DOCK3: variants seen among roughly 807,000 people sequenced by gnomAD.
DOCK3 encodes the protein dedicator of cytokinesis protein 3.
DOCK3 carries 60 observed loss-of-function variants against 265.6 expected under a neutral mutation model. That is an observed-to-expected ratio of 0.23 (90% CI 0.18 to 0.28). The LOEUF (loss-of-function observed/expected upper bound fraction) is 0.28, where lower values mean the gene tolerates loss of function less well. Among genes scored for constraint, DOCK3 ranks in the 10% least tolerant of loss-of-function variants. DOCK3 has a pLI of 1.00. For missense variants in DOCK3, 1,981 were observed against 2,594.3 expected (o/e 0.76, Z 5.14); for synonymous variants, 881 against 938.0 (o/e 0.94, Z 1.11).
At chr3:50,700,388 C>G (rs915548026) in intron 1 of DOCK3, among the ~76,000 whole-genome samples, 10 of 152,224 alleles carry the variant, frequency 6.6e-5, no homozygotes, top group Non-Finnish European at 1.3e-4. Flanking sequence ...TTTCTTCCGT[C>G]TAGCTATATG....
At chr3:51,136,528 G>A (rs1044559726) in intron 9 of DOCK3, among the ~76,000 whole-genome samples, 3 of 152,008 alleles carry the variant, frequency 2.0e-5, no homozygotes, top group Admixed American at 6.6e-5. Context: ...ATGAGCCACC[G>A]TGCCTGGCCT....
At chr3:51,089,521 TA>T (rs1254492485) in intron 8 of DOCK3, among the ~76,000 whole-genome samples, 1 of 152,094 alleles carries the variant, frequency 6.6e-6, no homozygotes. Flanking sequence ...TGGGAGAAAA[TA>T]AAAATGTTAT....
At chr3:51,357,226 T>C (rs2086425101) in intron 44 of DOCK3, 85 bp downstream of exon 44, 1 of 1,470,048 alleles carries the variant, frequency 6.8e-7, no homozygotes, top group Non-Finnish European at 9.1e-7. Flanking sequence ...GATTATAGTC[T>C]CCTTAGGTAG....
chr3:50,956,801 C>T (rs925299741), intron 5 of DOCK3, among the ~76,000 whole-genome samples: 1 of 152,172 alleles, frequency 6.6e-6, no homozygotes, highest in Admixed American at 6.5e-5. Flanking sequence ...ATTCACAGTA[C>T]TTGTTAACCA....
intron 5 of DOCK3, among the ~76,000 whole-genome samples, chr3:51,001,984 T>C (rs1024434745): frequency 6.6e-6 from 1 of 152,030 alleles, no homozygotes; most frequent in African/African-American, 2.4e-5. Context: ...TATTGGTATT[T>C]TTATAGGGAT....
chr3:51,080,626 G>A (rs2082198606), intron 7 of DOCK3, among the ~76,000 whole-genome samples: 1 of 152,084 alleles, frequency 6.6e-6, no homozygotes, highest in South Asian at 2.1e-4. Flanking sequence ...TTTAATGACT[G>A]AAATAAAAAA....
intron 4 of DOCK3, among the ~76,000 whole-genome samples, chr3:50,916,846 CAAA>C (rs397877086): frequency 7.8e-5 from 6 of 77,104 alleles, no homozygotes; most frequent in African/African-American, 1.3e-4. Flanking sequence ...GACTCCGTTT[CAAA>C]AAAAAAAAAA....
intron 22 of DOCK3, among the ~76,000 whole-genome samples, chr3:51,252,425 G>A (rs572199142): frequency 3.3e-5 from 5 of 152,258 alleles, no homozygotes; most frequent in African/African-American, 7.2e-5. Context: ...TTATGGGGAT[G>A]GCATTGAATC....
chr3:51,007,961 A>G (rs1200449281), intron 5 of DOCK3, among the ~76,000 whole-genome samples: 1 of 152,080 alleles, frequency 6.6e-6, no homozygotes. Flanking sequence ...TGAGGCCTCC[A>G]TTCTGTTCCA....
intron 12 of DOCK3, among the ~76,000 whole-genome samples, chr3:51,194,299 T>C (rs905075760): frequency 1.3e-5 from 2 of 152,172 alleles, no homozygotes; most frequent in African/African-American, 4.8e-5. Context: ...TTTAAGTGAG[T>C]TGAGGCTTGT....
intron 48 of DOCK3, 56 bp from the exon 49 acceptor site, chr3:51,362,471 G>C (rs1251724915): frequency 6.2e-7 from 1 of 1,610,746 alleles, no homozygotes; most frequent in Non-Finnish European, 8.5e-7. Flanking sequence ...CTCTGTGCCA[G>C]CCCTAAAGTC....
intron 3 of DOCK3, among the ~76,000 whole-genome samples, 169 bp downstream of exon 3, chr3:50,841,884 G>A (rs2045860738): frequency 6.6e-6 from 1 of 151,358 alleles, no homozygotes; most frequent in Non-Finnish European, 1.5e-5. Flanking sequence ...GCATATTAAA[G>A]TGTTTCTTCT....
rs1005056954 is a variant in DOCK3 at position 50,969,837 on chromosome 3, C to T, written c.315+35760C>T. Reference sequence around the variant, plus strand: ...CTGTAATCCCAGCACTTTGGGAGGCCGAGGTGGGCGGATCACGAGGTCAGG... The same window carrying T: ...CTGTAATCCCAGCACTTTGGGAGGCTGAGGTGGGCGGATCACGAGGTCAGG... On this transcript the variant is annotated intron_variant, in intron 5 of 52. Transcript: ENST00000266037. 6.7e-4 allele frequency among the ~76,000 whole-genome samples: 102 copies of T among 152,220 alleles called. 1 individual carries two copies. Among genetic ancestry groups the T allele is most frequent in the Non-Finnish European group, 1.6e-4 (11 of 68,010 alleles).
rs531002670 is a variant in DOCK3 at position 50,806,537 on chromosome 3, A to G, written c.121+27779A>G. Reference sequence around the variant, plus strand: ...TGCTTGGGGGAGGGTGGGTAAGGACATGGCTGGCTCTCAAGGGCATGTTCA... The same window carrying G: ...TGCTTGGGGGAGGGTGGGTAAGGACGTGGCTGGCTCTCAAGGGCATGTTCA... On this transcript the variant is annotated intron_variant, in intron 2 of 52. Transcript: ENST00000266037. Among the ~76,000 whole-genome samples, 4 of 150,574 alleles carry G rather than the reference A, an allele frequency of 2.7e-5. No homozygotes were observed. In the South Asian group the frequency reaches 8.5e-4, roughly 32 times the overall value.
intron 31 of DOCK3, among the ~76,000 whole-genome samples, chr3:51,314,771 A>T (rs148090398): frequency 7.9e-5 from 12 of 152,306 alleles, no homozygotes; most frequent in African/African-American, 2.9e-4. Context: ...GTTTTGTGAC[A>T]GTTGCGCATT....
intron 2 of DOCK3, among the ~76,000 whole-genome samples, chr3:50,818,235 C>A (rs1206135116): frequency 6.6e-6 from 1 of 152,174 alleles, no homozygotes; most frequent in Non-Finnish European, 1.5e-5. Context: ...TCAACAGTTT[C>A]AACTAGTTCT....
chr3:51,255,192 G>T (rs542465001), intron 22 of DOCK3, among the ~76,000 whole-genome samples: 9 of 152,264 alleles, frequency 5.9e-5, no homozygotes, highest in Non-Finnish European at 1.2e-4. Context: ...TTGAATATTG[G>T]CCCCCACTCT....
intron 22 of DOCK3, among the ~76,000 whole-genome samples, chr3:51,254,585 C>G (rs2079443647): frequency 6.6e-6 from 1 of 152,214 alleles, no homozygotes; most frequent in African/African-American, 2.4e-5. Context: ...GGATAGTTAG[C>G]TCTTCTCATT....
intron 27 of DOCK3, among the ~76,000 whole-genome samples, chr3:51,304,013 G>T (rs750492898): frequency 3.9e-5 from 6 of 152,208 alleles, no homozygotes; most frequent in Non-Finnish European, 5.9e-5. Flanking sequence ...CTAGCAGGGG[G>T]AAAGACTAAG....
Sources: allele counts gnomAD v4.1 joint callset (sites outside exome capture counted in the v4.1 genomes callset), GRCh38; gene constraint gnomAD v4.1.1; transcripts MANE v1.5; gene names NCBI Gene and HGNC (gene_info 2026-07-23, HGNC 2026-07-21).